UGP2: variants seen among roughly 807,000 people sequenced by gnomAD.
UGP2 encodes UTP--glucose-1-phosphate uridylyltransferase.
UGP2 carries 40 observed loss-of-function variants against 49.0 expected under a neutral mutation model. The observed-to-expected ratio is 0.82, with a 90% CI of 0.63 to 1.06. The LOEUF (loss-of-function observed/expected upper bound fraction) is 1.06. UGP2 is among the 50% of genes least tolerant of loss of function. The probability of loss-of-function intolerance (pLI) is 0.00; values close to 1 mark genes in which losing one functional copy is unlikely to be tolerated. For synonymous variants in UGP2, 225 were observed against 213.0 expected (o/e 1.06, Z -0.49); for missense variants, 460 against 603.5 (o/e 0.76, Z 2.49).
intron 1 of UGP2, 61 bp from the exon 2 acceptor site, chr2:63,856,244 TA>T: frequency 6.3e-7 from 1 of 1,576,194 alleles, no homozygotes; most frequent in Admixed American, 1.8e-5. Context: ...AGTTATAGCT[TA>T]CCAGCTGTTT....
At chr2:63,856,848 G>A (rs573376517) in intron 2 of UGP2, 1 of 456,998 alleles carries the variant, frequency 2.2e-6, no homozygotes, top group East Asian at 6.9e-5. Flanking sequence ...TTCCAGAACT[G>A]GGAGGCATTT....
chr2:63,854,964 C>G (rs62136366), intron 1 of UGP2: 2,980 of 152,544 alleles, frequency 0.02, 46 homozygotes, highest in South Asian at 0.071. Context: ...CCTTTCTTAG[C>G]TTGGGTTGAT....
chr2:63,865,894 A>G (rs994888635), intron 3 of UGP2, among the ~76,000 whole-genome samples: 4 of 152,098 alleles, frequency 2.6e-5, no homozygotes, highest in African/African-American at 9.7e-5. Context: ...TTGCTTACCG[A>G]AGTCAGTTGT....
At chr2:63,864,379 A>G (rs1197857231) in intron 3 of UGP2, among the ~76,000 whole-genome samples, 1 of 152,202 alleles carries the variant, frequency 6.6e-6, no homozygotes, top group Non-Finnish European at 1.5e-5. Flanking sequence ...GTTTATCTCT[A>G]GTGCACAGAA....
At position 63,868,652 on chromosome 2, in the gene UGP2, T is replaced by C. The variant is rs1670335698; in HGVS notation, c.255+10716T>C. Among the ~76,000 whole-genome samples the C allele has an allele frequency of 3.9e-5, 6 of 152,292 alleles. No individual in the cohort carries two copies. In the South Asian group the frequency reaches 1.2e-3, roughly 32 times the overall value. ...ACTTTTTAAAGGTTTTGTTTTGTAT[T>C]TCTGATTGTTTTTTAAAAAGAGTAT... On this transcript the variant is annotated intron_variant, in intron 3 of 9. Coordinates refer to ENST00000337130, the MANE Select transcript of UGP2 (RefSeq NM_006759.4).
intron 3 of UGP2, among the ~76,000 whole-genome samples, chr2:63,864,690 C>T (rs1342322480): frequency 6.6e-6 from 1 of 152,184 alleles, no homozygotes; most frequent in Admixed American, 6.5e-5. Flanking sequence ...CCAGTTACCA[C>T]CAGTGTTTGA....
chr2:63,843,694 C>G (rs1671735429), intron 1 of UGP2, among the ~76,000 whole-genome samples: 1 of 152,094 alleles, frequency 6.6e-6, no homozygotes, highest in African/African-American at 2.4e-5. Context: ...TTGTCATCCA[C>G]TTTTTTTAAA....
chr2:63,880,652 G>A (rs1671241207), intron 3 of UGP2, among the ~76,000 whole-genome samples: 1 of 152,152 alleles, frequency 6.6e-6, no homozygotes. Flanking sequence ...TGATGGTCAT[G>A]GCAGTAGAGT....
At chr2:63,855,675 G>A (rs1453854248) in intron 1 of UGP2, 3 of 441,190 alleles carry the variant, frequency 6.8e-6, no homozygotes, top group South Asian at 1.6e-5. Flanking sequence ...CCAAGTAGCT[G>A]GGAATACAGA....
intron 3 of UGP2, among the ~76,000 whole-genome samples, chr2:63,863,694 A>G (rs1323354540): frequency 3.3e-5 from 5 of 152,222 alleles, no homozygotes; most frequent in African/African-American, 9.6e-5. Context: ...AAGCTATCCA[A>G]GCTAATTTGT....
At chr2:63,883,080 A>G (rs573413443) in intron 4 of UGP2, among the ~76,000 whole-genome samples, 3 of 152,066 alleles carry the variant, frequency 2.0e-5, no homozygotes, top group Non-Finnish European at 2.9e-5. Flanking sequence ...TTAATCGTAC[A>G]CCATAAGCTC....
chr2:63,853,034 T>C (rs545548679), intron 1 of UGP2, among the ~76,000 whole-genome samples: 2 of 152,162 alleles, frequency 1.3e-5, no homozygotes, highest in Non-Finnish European at 2.9e-5. Context: ...GGCACATGTT[T>C]GAGTGATCAG....
At chr2:63,869,954 G>A (rs928579977) in intron 3 of UGP2, among the ~76,000 whole-genome samples, 8 of 137,722 alleles carry the variant, frequency 5.8e-5, no homozygotes, top group East Asian at 4.1e-4. Flanking sequence ...ACAGAGTCTC[G>A]CTCTGTCACC....
Position 63,882,640 on chromosome 2 carries a change from C to A in UGP2, c.430C>A (p.Gln144Lys), listed in dbSNP as rs760129910. Residue 144 changes from glutamine to lysine, a missense_variant, in exon 4 of 10, where the codon CAG (glutamine) becomes AAG (lysine). Physicochemically the swap from Gln to Lys is moderately conservative, Grantham distance 53. Transcript: ENST00000337130. ...NENTFLDLTV[Q>K]QIEHLNKTYN... ...GAATACCTTTCTGGATCTGACTGTT[C>A]AGCAAATTGAAGTGAGTAACATTTA... 10 of 1,567,250 alleles carry A rather than the reference C, an allele frequency of 6.4e-6. No individual in the cohort carries two copies. The African/African-American group carries it at 9.5e-5, about 15-fold the overall frequency.
chr2:63,864,173 TTA>T (rs1242988404), intron 3 of UGP2, among the ~76,000 whole-genome samples: 2 of 152,220 alleles, frequency 1.3e-5, no homozygotes, highest in African/African-American at 2.4e-5. Flanking sequence ...GCTGAATCCT[TTA>T]TGTTTGTGAT....
At chr2:63,884,798 A>T (rs146226549) in intron 5 of UGP2, among the ~76,000 whole-genome samples, 9 of 152,028 alleles carry the variant, frequency 5.9e-5, no homozygotes, top group Non-Finnish European at 1.2e-4. Flanking sequence ...TAGCCCAGCT[A>T]CTTGGGAGGC....
rs899765103 is a variant in UGP2, at chr2:63,882,765, T to G, written c.441+114T>G. Reference sequence around the variant, plus strand: ...AATTTGAGCTAACCAAAGAGCCTGCTATCTTTAATCTCTTTATTGGTGGAA... The same window carrying G: ...AATTTGAGCTAACCAAAGAGCCTGCGATCTTTAATCTCTTTATTGGTGGAA... On this transcript the variant is annotated intron_variant, in intron 4 of 9. Transcript: ENST00000337130. The G allele has an allele frequency of 1.0e-4, 116 of 1,164,076 alleles. No homozygotes were observed. The Admixed American group carries it at 3.1e-3, about 32-fold the overall frequency. 72.1% of individuals were successfully genotyped at this position (1,164,076 alleles called of 1,614,324 possible). A position where few individuals can be genotyped will look rare whatever the true frequency, so the allele number is the denominator to read the frequency against.
At chr2:63,844,445 T>C (rs548101271) in intron 1 of UGP2, among the ~76,000 whole-genome samples, 70 of 137,632 alleles carry the variant, frequency 5.1e-4, no homozygotes, top group African/African-American at 1.6e-3. Context: ...CTTTTTTTTT[T>C]CATGGGTTTT....
intron 1 of UGP2, 104 bp downstream of exon 1, chr2:63,842,308 A>G (rs1007289313): frequency 6.2e-7 from 1 of 1,607,846 alleles, no homozygotes; most frequent in African/African-American, 1.3e-5. Flanking sequence ...TTCATTTGAG[A>G]TAACATTTGC....
Sources: gnomAD v4.1 joint callset for allele counts (sites outside exome capture counted in the v4.1 genomes callset) on GRCh38, gnomAD v4.1.1 for gene constraint, MANE v1.5 for transcripts, NCBI Gene and HGNC (gene_info 2026-07-23, HGNC 2026-07-21) for gene names.